The following NME5 variants were observed in gnomAD, a reference collection of about 807,000 sequenced individuals.
NME5 encodes the protein nucleoside diphosphate kinase 5.
NME5 carries 18 observed loss-of-function variants against 21.6 expected under a neutral mutation model. The observed-to-expected ratio is 0.83, with a 90% CI of 0.58 to 1.24. The LOEUF (loss-of-function observed/expected upper bound fraction) is 1.24, where lower values mean the gene tolerates loss of function less well. Among genes scored for constraint, NME5 ranks in the 50% most tolerant of loss-of-function variants. NME5 has a pLI of 0.00. For synonymous variants in NME5, 70 were observed against 80.6 expected, an observed-to-expected ratio of 0.87 and a Z score of 0.71; for missense variants, 223 against 255.4, an observed-to-expected ratio of 0.87 and a Z score of 0.86.
chr5:138,131,891 C>T (rs1431820681), intron 2 of NME5, among the ~76,000 whole-genome samples: 1 of 151,980 alleles, frequency 6.6e-6, no homozygotes, highest in Non-Finnish European at 1.5e-5. Flanking sequence ...TTATAGGTGC[C>T]TGCCACCATG....
chr5:138,134,066 G>A (rs1276223239), intron 2 of NME5, among the ~76,000 whole-genome samples: 1 of 152,168 alleles, frequency 6.6e-6, no homozygotes, highest in Non-Finnish European at 1.5e-5. Flanking sequence ...ACTAACTAGG[G>A]AAAGTGTCAT....
intron 4 of NME5, chr5:138,127,676 C>T: frequency 1.0e-6 from 1 of 984,942 alleles, no homozygotes; most frequent in Non-Finnish European, 1.2e-6. Flanking sequence ...CCTCGTATGT[C>T]CACTTCTCAA....
chr5:138,122,325 A>G (rs947036293), intron 4 of NME5, among the ~76,000 whole-genome samples: 2 of 151,252 alleles, frequency 1.3e-5, no homozygotes, highest in African/African-American at 4.9e-5. Flanking sequence ...CTGTAATCCC[A>G]GCTACTCGGG....
rs745326348 is a variant in NME5, at chr5:138,138,775, C to G, written c.6G>C (p.Glu2Asp). Residue 2 changes from glutamate (E) to aspartate (D), a missense_variant, in exon 2 of 6, where the codon GAG (glutamate) becomes GAC (aspartate). Physicochemically the swap from Glu to Asp is conservative, Grantham distance 45 (BLOSUM62 2). Coordinates refer to ENST00000265191, the MANE Select transcript of NME5 (RefSeq NM_003551.3). ...ATATCTGAGGTGGAGGCATTGATAT[C>G]TCCATTATGGCTTTTCAGGGCACAA... M[E>D]ISMPPPQIYV... is the part of the protein sequence containing the mutation. The G allele has an allele frequency of 7.5e-6, 12 of 1,607,992 alleles. No homozygotes were observed. The highest frequency in any genetic ancestry group is 9.3e-6 in the Non-Finnish European group (11 of 1,178,598).
At chr5:138,129,521 G>T in intron 2 of NME5, 53 bp from the exon 3 acceptor site, 2 of 1,302,072 alleles carry the variant, frequency 1.5e-6, no homozygotes, top group Non-Finnish European at 2.2e-6. Flanking sequence ...TTCAATGATA[G>T]CTCATTAAAA....
chr5:138,119,494 G>A (rs914331653), intron 4 of NME5, among the ~76,000 whole-genome samples: 1 of 151,398 alleles, frequency 6.6e-6, no homozygotes, highest in African/African-American at 2.4e-5. Flanking sequence ...CACCATGCTC[G>A]GCCCTAATTT....
chr5:138,130,819 G>A (rs1581383999), intron 2 of NME5, among the ~76,000 whole-genome samples: 4 of 151,970 alleles, frequency 2.6e-5, no homozygotes, highest in African/African-American at 7.3e-5. Context: ...CCAGCTACTC[G>A]GAAGGCTGAG....
chr5:138,122,428 G>A (rs1464710539), intron 4 of NME5, among the ~76,000 whole-genome samples: 4 of 77,750 alleles, frequency 5.1e-5, no homozygotes, highest in South Asian at 8.3e-4. Flanking sequence ...TGACAAGAGC[G>A]AAACTCTGTC....
At chr5:138,132,940 G>A (rs1561591266) in intron 2 of NME5, among the ~76,000 whole-genome samples, 1 of 145,494 alleles carries the variant, frequency 6.9e-6, no homozygotes. Context: ...GCGTATTAGC[G>A]TTTTTTTTTT....
intron 4 of NME5, among the ~76,000 whole-genome samples, chr5:138,119,277 C>A (rs1751231731): frequency 6.6e-6 from 1 of 152,028 alleles, no homozygotes; most frequent in African/African-American, 2.4e-5. Flanking sequence ...ACAATCTCAG[C>A]TCACTGCAAC....
At chr5:138,118,777 T>G (rs1450954887) in intron 5 of NME5, 41 bp downstream of exon 5, 1 of 1,374,376 alleles carries the variant, frequency 7.3e-7, no homozygotes, top group African/African-American at 1.4e-5. Flanking sequence ...CCACCACGCC[T>G]GGTGACAATA....
At chr5:138,138,920 A>T (rs1024472671) in intron 1 of NME5, 135 bp from the exon 2 acceptor site, 1 of 797,678 alleles carries the variant, frequency 1.3e-6, no homozygotes, top group Non-Finnish European at 2.0e-6. Context: ...TTATTAACTG[A>T]TGAAGGTAGA....
Position 138,119,743 on chromosome 5 carries a change from G to A in NME5, c.437-807C>T, listed in dbSNP as rs958182683. ...CACAATCTCAGTTCACTGCAACCCC[G>A]TCTCCCAGGTTGAAGCAATTCTCCT... is the stretch of plus-strand genomic sequence containing the variant. On this transcript the variant is annotated intron_variant, in intron 4 of 5. Transcript: ENST00000265191. 4.0e-5 allele frequency among the ~76,000 whole-genome samples: 6 copies of A among 149,924 alleles called. No individual in the cohort carries two copies. The South Asian group carries it at 6.3e-4, about 16-fold the overall frequency.
intron 2 of NME5, among the ~76,000 whole-genome samples, chr5:138,132,243 G>A (rs1009701611): frequency 3.9e-5 from 6 of 152,080 alleles, no homozygotes; most frequent in Non-Finnish European, 2.9e-5. Flanking sequence ...TCAGTTAATC[G>A]GGAGGCTGAG....
intron 4 of NME5, among the ~76,000 whole-genome samples, chr5:138,119,702 G>A (rs1751241624): frequency 6.7e-6 from 1 of 150,112 alleles, no homozygotes; most frequent in Admixed American, 6.7e-5. Flanking sequence ...TTGTCACCCA[G>A]GCTGGAGTGC....
At chr5:138,126,005 G>T (rs2151162925) in intron 4 of NME5, among the ~76,000 whole-genome samples, 1 of 152,266 alleles carries the variant, frequency 6.6e-6, no homozygotes, top group African/African-American at 2.4e-5. Flanking sequence ...GCACATAGTT[G>T]TTCATCAACT....
chr5:138,125,989 AG>A, intron 4 of NME5, among the ~76,000 whole-genome samples: 1 of 152,330 alleles, frequency 6.6e-6, no homozygotes. Flanking sequence ...CATCGTATAA[AG>A]TTTTGCACAT....
chr5:138,125,738 C>T (rs565079723), intron 4 of NME5, among the ~76,000 whole-genome samples: 25 of 152,302 alleles, frequency 1.6e-4, no homozygotes, highest in East Asian at 3.9e-4. Flanking sequence ...CCTCAGCCTT[C>T]TGAGTAGCTG....
chr5:138,125,475 G>C (rs11738864), intron 4 of NME5, among the ~76,000 whole-genome samples: 3 of 151,938 alleles, frequency 2.0e-5, no homozygotes, highest in Non-Finnish European at 4.4e-5. Flanking sequence ...GCTACTCAAG[G>C]GGCTGAGGTA....
Sources: allele counts gnomAD v4.1 joint callset (sites outside exome capture counted in the v4.1 genomes callset), GRCh38; gene constraint gnomAD v4.1.1; transcripts MANE v1.5; gene names NCBI Gene and HGNC (gene_info 2026-07-23, HGNC 2026-07-21).